FRK: variants seen among roughly 807,000 people sequenced by gnomAD.
The protein encoded by FRK is tyrosine-protein kinase FRK.
A neutral mutation model predicts 56.4 loss-of-function variants in FRK; 51 were observed. The observed-to-expected ratio is 0.90, with a 90% CI of 0.72 to 1.14. FRK has a LOEUF of 1.14. FRK is among the 50% of genes most tolerant of loss of function. The probability of loss-of-function intolerance (pLI) is 0.00; values close to 1 mark genes in which losing one functional copy is unlikely to be tolerated. For synonymous variants in FRK, 245 were observed against 217.9 expected (o/e 1.12, Z -1.10); for missense variants, 570 against 601.4 (o/e 0.95, Z 0.55).
At position 115,939,841 on chromosome 6, in the gene FRK, A is replaced by C. The variant is rs553626188; in HGVS notation, c.*2573T>G. The C allele has an allele frequency of 6.6e-6, 1 of 152,376 alleles. No homozygotes were observed. The highest frequency in any genetic ancestry group is 1.9e-4 in the East Asian group (1 of 5,190). 9.4% of individuals were successfully genotyped at this position (152,376 alleles called of 1,614,324 possible). On this transcript the variant is annotated 3_prime_UTR_variant, in exon 8 of 8. Transcript: ENST00000606080. Reference sequence around the variant, plus strand: ...AAGGAAATAAGAGAGGACACAAATAAATGGAAAAACATTCCATGCTCATGG... The same window carrying C: ...AAGGAAATAAGAGAGGACACAAATACATGGAAAAACATTCCATGCTCATGG...
intron 2 of FRK, among the ~76,000 whole-genome samples, chr6:115,977,396 T>C (rs986524497): frequency 1.3e-5 from 2 of 152,180 alleles, no homozygotes; most frequent in Admixed American, 6.5e-5. Flanking sequence ...ATTCATTTTA[T>C]GCATACAACT....
At chr6:115,958,726 A>G (rs1440688696) in intron 4 of FRK, among the ~76,000 whole-genome samples, 7 of 25,910 alleles carry the variant, frequency 2.7e-4, no homozygotes, top group Non-Finnish European at 4.6e-4. Context: ...AAAGAAAGAA[A>G]GAAAGAAAGA....
chr6:116,078,713 A>G, the FRK span, among the ~76,000 whole-genome samples: 1 of 152,322 alleles, frequency 6.6e-6, no homozygotes, highest in South Asian at 2.1e-4. Flanking sequence ...ACACACTAAA[A>G]GCCCCCTGCA....
Position 116,010,389 on chromosome 6 carries a change from T to TA in FRK, c.345-6392dup, listed in dbSNP as rs1775418130. Among the ~76,000 whole-genome samples, 4 of 152,230 alleles carry TA rather than the reference T, an allele frequency of 2.6e-5. No individual in the cohort carries two copies. In the South Asian group the frequency reaches 8.3e-4, roughly 32 times the overall value. On this transcript the variant is annotated intron_variant, in intron 1 of 7. Coordinates refer to ENST00000606080, the MANE Select transcript of FRK (RefSeq NM_002031.3). ...GATTACTTTAAAATGTATTTAAATA[T>TA]AAAAAATTAAAAGAGGTCAATCAGG...
chr6:116,055,167 C>T (rs1777342187), intron 1 of FRK, among the ~76,000 whole-genome samples: 3 of 152,018 alleles, frequency 2.0e-5, no homozygotes, highest in African/African-American at 7.3e-5. Flanking sequence ...CTTTCAAGCT[C>T]GACAATGGCA....
chr6:116,025,320 T>C (rs1284911715), intron 1 of FRK, among the ~76,000 whole-genome samples: 1 of 152,202 alleles, frequency 6.6e-6, no homozygotes, highest in Non-Finnish European at 1.5e-5. Flanking sequence ...TATGAAAAGT[T>C]ATGCTCCCAA....
intron 1 of FRK, among the ~76,000 whole-genome samples, chr6:116,028,803 G>A (rs1291523191): frequency 1.3e-5 from 2 of 152,056 alleles, no homozygotes; most frequent in African/African-American, 2.4e-5. Flanking sequence ...GGGTAAAGGC[G>A]GTTGGGGACT....
intron 1 of FRK, among the ~76,000 whole-genome samples, chr6:116,016,265 C>A (rs1422329804): frequency 6.6e-6 from 1 of 151,932 alleles, no homozygotes; most frequent in Non-Finnish European, 1.5e-5. Context: ...CTAAAGGAGG[C>A]CAAAGTACAG....
chr6:115,980,030 A>G (rs902949127), intron 2 of FRK, among the ~76,000 whole-genome samples: 4 of 152,178 alleles, frequency 2.6e-5, no homozygotes, highest in African/African-American at 9.6e-5. Context: ...TGTCCTCATA[A>G]GGAAAACACA....
the FRK span, among the ~76,000 whole-genome samples, chr6:116,087,682 G>C: frequency 1.3e-5 from 2 of 152,358 alleles, no homozygotes; most frequent in Middle Eastern, 3.4e-3. Flanking sequence ...CCAACAGATG[G>C]AGACACCATT....
rs756246237 is a variant in FRK at position 115,937,701 on chromosome 6, A to C, written c.*4713T>G. On this transcript the variant is annotated 3_prime_UTR_variant, in exon 8 of 8. Transcript: ENST00000606080. ...CCTAGTCTCTGATAAAACAGACTTT[A>C]AATCAACAAAGATCAAAAGAGACAA... The C allele has an allele frequency of 6.6e-6, 1 of 152,226 alleles. No homozygotes were observed. Among genetic ancestry groups the C allele is most frequent in the Non-Finnish European group, 1.5e-5 (1 of 68,042 alleles). 9.4% of individuals were successfully genotyped at this position (152,226 alleles called of 1,614,324 possible).
At chr6:116,074,371 C>A in the FRK span, among the ~76,000 whole-genome samples, 1 of 152,122 alleles carries the variant, frequency 6.6e-6, no homozygotes, top group African/African-American at 2.4e-5. Flanking sequence ...AAGTCCCAGG[C>A]AAACCCAAAT....
chr6:116,091,354 C>T, the FRK span, among the ~76,000 whole-genome samples: 1 of 152,182 alleles, frequency 6.6e-6, no homozygotes, highest in South Asian at 2.1e-4. Context: ...AAAAGCTGGC[C>T]ACCCCAGCCA....
intron 5 of FRK, among the ~76,000 whole-genome samples, chr6:115,953,180 A>ATTTTTT (rs1554224845): frequency 9.6e-6 from 1 of 104,032 alleles, no homozygotes; most frequent in Non-Finnish European, 1.8e-5. Context: ...TTTTAAGGCC[A>ATTTTTT]TTTTTTTTTT....
rs139127846 is a variant in FRK, at chr6:116,039,468, C to G, written c.344+20500G>C. ...GTGATGCTTCCCTCAAGCCCTAATTCGTGGACATCATCAATGCCAAACAAT... is the reference window on the plus strand; with the variant it reads ...GTGATGCTTCCCTCAAGCCCTAATTGGTGGACATCATCAATGCCAAACAAT... On this transcript the variant is annotated intron_variant, in intron 1 of 7. Transcript: ENST00000606080. 8.3e-4 allele frequency: 1,292 copies of G among 1,548,996 alleles called. 11 individuals carry two copies. The African/African-American group carries it at 0.016, about 19-fold the overall frequency.
At chr6:115,945,693 T>A (rs542364254) in intron 5 of FRK, among the ~76,000 whole-genome samples, 4 of 152,174 alleles carry the variant, frequency 2.6e-5, no homozygotes, top group African/African-American at 9.7e-5. Flanking sequence ...ATGAAAGGTC[T>A]ATCCATAGTT....
Position 116,023,964 on chromosome 6 carries a change from T to C in FRK, c.345-19966A>G, listed in dbSNP as rs550697677. Reference sequence around the variant, plus strand: ...CTTAGTTACACTTGAAAATAACTAGTTGGCTTTTGAAAAAAAAATATTCCA... The same window carrying C: ...CTTAGTTACACTTGAAAATAACTAGCTGGCTTTTGAAAAAAAAATATTCCA... On this transcript the variant is annotated intron_variant, in intron 1 of 7. Coordinates refer to ENST00000606080, the MANE Select transcript of FRK (RefSeq NM_002031.3). Among the ~76,000 whole-genome samples the C allele has an allele frequency of 4.4e-3, 647 of 145,654 alleles. 7 individuals carry two copies. The highest frequency in any genetic ancestry group is 0.016 in the African/African-American group (628 of 39,510).
At chr6:115,981,469 G>GA (rs372306816) in intron 2 of FRK, among the ~76,000 whole-genome samples, 6 of 151,792 alleles carry the variant, frequency 4.0e-5, no homozygotes, top group African/African-American at 1.4e-4. Flanking sequence ...CTTGATCAAA[G>GA]AAAAAAAGGT....
Position 115,934,246 on chromosome 6 carries a change from C to T in FRK, c.*8168G>A, listed in dbSNP as rs1027326446. ...CTTTTATTCAGATAAGCCAACCTCT[C>T]AACTTGTCTCTGAGGAAGGTGACCA... On this transcript the variant is annotated 3_prime_UTR_variant, in exon 8 of 8. Transcript: ENST00000606080. 4 of 152,218 alleles carry T rather than the reference C, an allele frequency of 2.6e-5. No individual in the cohort carries two copies. The highest frequency in any genetic ancestry group is 4.4e-5 in the Non-Finnish European group (3 of 68,042). The allele number at this position is 152,218 out of a possible 1,614,324, so 9.4% of individuals were successfully genotyped here. A position where few individuals can be genotyped will look rare whatever the true frequency, so the allele number is the denominator to read the frequency against.
Sources: gnomAD v4.1 joint callset for allele counts (sites outside exome capture counted in the v4.1 genomes callset) on GRCh38, gnomAD v4.1.1 for gene constraint, MANE v1.5 for transcripts, NCBI Gene and HGNC (gene_info 2026-07-23, HGNC 2026-07-21) for gene names.